Variants in SLC17A1 observed in about 807,000 individuals in gnomAD.
SLC17A1 encodes solute carrier family 17 member 1, also known as sodium-dependent phosphate transport protein 1.
SLC17A1 carries 51 observed loss-of-function variants against 53.5 expected under a neutral mutation model. The ratio of observed to expected loss-of-function variants is 0.95; its 90% CI spans 0.76 to 1.20. The LOEUF (loss-of-function observed/expected upper bound fraction) is 1.20. SLC17A1 is among the 50% of genes most tolerant of loss of function. The pLI, the probability that SLC17A1 is intolerant of heterozygous loss-of-function variation, is 0.00. For synonymous variants in SLC17A1, 179 were observed against 198.8 expected (o/e 0.90, Z 0.84); for missense variants, 538 against 568.2 (o/e 0.95, Z 0.54).
At chr6:25,762,177 C>T in the SLC17A1 span, 1 of 694,740 alleles carries the variant, frequency 1.4e-6, no homozygotes, top group South Asian at 2.0e-5. Flanking sequence ...TTCCTTGCTA[C>T]CACCAATTGC....
rs1478142298 is a variant in SLC17A1, at chr6:25,811,627, CT to C, written c.1030+10del. ...TCTCCCAAGTGCTTAAATGTTCTGG[CT>C]GTTGCTTACCTGCTGCTGTGAAGAG... On this transcript the variant is annotated intron_variant, in intron 9 of 12. Transcript: ENST00000244527. 2 of 1,613,882 alleles carry C rather than the reference CT, an allele frequency of 1.2e-6. No homozygotes were observed. Among genetic ancestry groups the C allele is most frequent in the Non-Finnish European group, 1.7e-6 (2 of 1,179,852 alleles).
chr6:25,738,313 T>C, the SLC17A1 span, among the ~76,000 whole-genome samples: 1 of 151,268 alleles, frequency 6.6e-6, no homozygotes, highest in East Asian at 1.9e-4. Context: ...AACAATTTAA[T>C]GAAGGAAGGA....
chr6:25,780,035 A>T (rs1055443621), downstream of SLC17A1: 1 of 152,196 alleles, frequency 6.6e-6, no homozygotes. Flanking sequence ...GAACCATTCA[A>T]CATTCACCTC....
the SLC17A1 span, among the ~76,000 whole-genome samples, chr6:25,747,134 A>C: frequency 9.2e-5 from 14 of 152,326 alleles, no homozygotes; most frequent in Admixed American, 7.8e-4. Flanking sequence ...AAGTGGATCT[A>C]CTTTAGCACC....
the SLC17A1 span, among the ~76,000 whole-genome samples, chr6:25,742,364 T>TA: frequency 6.6e-6 from 1 of 152,102 alleles, no homozygotes; most frequent in South Asian, 2.1e-4. Flanking sequence ...ACTTTTGTTA[T>TA]AAAACCAAAA....
the SLC17A1 span, among the ~76,000 whole-genome samples, chr6:25,773,030 A>C: frequency 2.6e-5 from 4 of 152,362 alleles, no homozygotes; most frequent in South Asian, 4.1e-4. Flanking sequence ...AAGTTTAAAA[A>C]AATCCTTTTT....
At chr6:25,732,602 G>C in the SLC17A1 span, 1 of 1,003,214 alleles carries the variant, frequency 1.0e-6, no homozygotes, top group Non-Finnish European at 1.5e-6. Flanking sequence ...CGGTTCTGGA[G>C]TACCTGGCCT....
At position 25,783,797 on chromosome 6, in the gene SLC17A1, C is replaced by CT. The variant is rs748851816; in HGVS notation, c.*3-580dup. 1.6e-3 allele frequency among the ~76,000 whole-genome samples: 225 copies of CT among 143,750 alleles called. 1 individual carries two copies. Among genetic ancestry groups the CT allele is most frequent in the Middle Eastern group, 3.7e-3 (1 of 268 alleles). 94.3% of individuals were successfully genotyped at this position (143,750 alleles called of 152,430 possible). On this transcript the variant is annotated intron_variant, in intron 12 of 12. Transcript: ENST00000244527. The stretch of plus-strand genomic sequence containing the variant: ...TGTGGTCCTGCACCCACCACACACT[C>CT]TTTTTTTTTTTTTTGGACCCTACCC...
downstream of SLC17A1, chr6:25,778,958 G>T (rs1449660861): frequency 1.3e-6 from 2 of 1,505,054 alleles, no homozygotes; most frequent in African/African-American, 2.8e-5. Flanking sequence ...AGTGGAGGTC[G>T]GGGAGGGAGC....
intron 8 of SLC17A1, 24 bp downstream of exon 8, chr6:25,812,807 A>G: frequency 1.3e-6 from 2 of 1,562,980 alleles, no homozygotes. Flanking sequence ...TGAAGTTAAA[A>G]AAAAGAACAA....
the SLC17A1 span, among the ~76,000 whole-genome samples, chr6:25,752,343 T>C: frequency 1.3e-5 from 2 of 152,018 alleles, no homozygotes; most frequent in Non-Finnish European, 2.9e-5. Context: ...TATCTAAACA[T>C]AGAAAAGGTA....
At chr6:25,778,728 C>A (rs1216665221), downstream of SLC17A1, among the ~76,000 whole-genome samples, 1 of 152,106 alleles carries the variant, frequency 6.6e-6, no homozygotes. Flanking sequence ...GAATAAAGCA[C>A]AAGGGGTGGA....
At chr6:25,770,311 G>A in the SLC17A1 span, 1 of 1,613,788 alleles carries the variant, frequency 6.2e-7, no homozygotes. Context: ...GTACCAAGAT[G>A]TTTTCCAGGT....
chr6:25,741,999 A>G, the SLC17A1 span, among the ~76,000 whole-genome samples: 2 of 152,208 alleles, frequency 1.3e-5, no homozygotes, highest in Non-Finnish European at 2.9e-5. Flanking sequence ...AGAGGGCCAC[A>G]GCTGGGTGAG....
the SLC17A1 span, among the ~76,000 whole-genome samples, chr6:25,755,516 C>T: frequency 7.9e-5 from 12 of 152,124 alleles, no homozygotes; most frequent in African/African-American, 2.9e-4. Flanking sequence ...TGATAACTAG[C>T]AGAGGAACAG....
the SLC17A1 span, among the ~76,000 whole-genome samples, chr6:25,763,331 A>G: frequency 3.3e-5 from 5 of 152,128 alleles, no homozygotes; most frequent in Non-Finnish European, 7.3e-5. Flanking sequence ...GTCTCATCCT[A>G]CCTAATAAGG....
chr6:25,784,811 T>C (rs1298621774), intron 12 of SLC17A1, among the ~76,000 whole-genome samples: 1 of 152,136 alleles, frequency 6.6e-6, no homozygotes, highest in Non-Finnish European at 1.5e-5. Context: ...AAAGGCTTTG[T>C]AAGAATTTTA....
At chr6:25,727,399 G>A in the SLC17A1 span, 4 of 684,460 alleles carry the variant, frequency 5.8e-6, no homozygotes, top group Non-Finnish European at 8.6e-6. Context: ...AACCGTAAGG[G>A]TTTTTTTTTT....
At chr6:25,779,087 C>T (rs569689946), downstream of SLC17A1, 17 of 1,613,854 alleles carry the variant, frequency 1.1e-5, no homozygotes, top group Non-Finnish European at 1.4e-5. Flanking sequence ...TGTCTTCTTG[C>T]TTTCAGCTGC....
Sources: allele counts gnomAD v4.1 joint callset (sites outside exome capture counted in the v4.1 genomes callset), GRCh38; gene constraint gnomAD v4.1.1; transcripts MANE v1.5; gene names NCBI Gene and HGNC (gene_info 2026-07-23, HGNC 2026-07-21).